VSIR: variants seen among roughly 807,000 people sequenced by gnomAD.
VSIR encodes V-set immunoregulatory receptor.
Under a neutral mutation model 31.0 loss-of-function variants are expected in VSIR, and 10 were observed. The observed-to-expected ratio is 0.32, with a 90% CI of 0.20 to 0.55. The LOEUF (loss-of-function observed/expected upper bound fraction) is 0.55. VSIR is among the 20% of genes least tolerant of loss of function. The pLI is 0.93. For synonymous variants in VSIR, 179 were observed against 180.1 expected, an observed-to-expected ratio of 0.99 and a Z score of 0.05; for missense variants, 356 against 416.2, an observed-to-expected ratio of 0.86 and a Z score of 1.26.
chr10:71,764,707 T>C (rs1840487607), intron 1 of VSIR, among the ~76,000 whole-genome samples: 1 of 152,218 alleles, frequency 6.6e-6, no homozygotes, highest in African/African-American at 2.4e-5. Context: ...CTTCACTCTC[T>C]CACCGTGGTT....
intron 5 of VSIR, 42 bp downstream of exon 5, chr10:71,752,933 C>A (rs780199822): frequency 6.2e-7 from 1 of 1,606,872 alleles, no homozygotes; most frequent in South Asian, 1.1e-5. Context: ...CCTGGATAGC[C>A]GGCCCAGGAA....
intron 3 of VSIR, among the ~76,000 whole-genome samples, chr10:71,759,846 C>CACACACACATATATATACACACACACAT (rs776230069): frequency 1.7e-5 from 1 of 59,932 alleles, no homozygotes; most frequent in Admixed American, 1.9e-4. Flanking sequence ...CACACACACA[C>CACACACACATATATATACACACACACAT]ATATACACAC....
intron 4 of VSIR, chr10:71,755,054 C>T (rs1840098120): frequency 1.9e-6 from 1 of 537,746 alleles, no homozygotes; most frequent in Non-Finnish European, 3.6e-6. Flanking sequence ...GTGGCAGCAA[C>T]TTGCTTTTAT....
rs1289688794 is a variant in VSIR at position 71,748,490 on chromosome 10, C to T, written c.*2763G>A. 6.6e-6 allele frequency: 1 copy of T among 152,304 alleles called. No homozygotes were observed. Among genetic ancestry groups the T allele is most frequent in the South Asian group, 2.1e-4 (1 of 4,844 alleles). 9.4% of individuals were successfully genotyped at this position (152,304 alleles called of 1,614,324 possible). ...CCAAATGGTGCTTTCAATTCCATTC[C>T]TTCAGCCTCTCCCTGGGAGGGAATA... On this transcript the variant is annotated 3_prime_UTR_variant, in exon 7 of 7. Transcript: ENST00000394957.
Position 71,751,883 on chromosome 10 carries a change from A to G in VSIR, c.705-22T>C. On this transcript the variant is annotated intron_variant, in intron 5 of 6. Coordinates refer to ENST00000394957, the MANE Select transcript of VSIR (RefSeq NM_022153.2). The surrounding 1 kb of genome is among the most constrained non-coding windows in gnomAD (Gnocchi z 4.9). Reference sequence around the variant, plus strand: ...GTTGCTGCCACAGAACCAGAATGGAAGGTCATCTGTGCTGTCCGGAGCGTG... The same window carrying G: ...GTTGCTGCCACAGAACCAGAATGGAGGGTCATCTGTGCTGTCCGGAGCGTG... 1.3e-6 allele frequency: 2 copies of G among 1,537,700 alleles called. No homozygotes were observed. Among genetic ancestry groups the G allele is most frequent in the African/African-American group, 2.8e-5 (2 of 72,546 alleles).
chr10:71,765,511 G>A (rs1295361369), intron 1 of VSIR, among the ~76,000 whole-genome samples: 9 of 152,316 alleles, frequency 5.9e-5, no homozygotes, highest in Admixed American at 2.0e-4. Context: ...TGTGAACAAG[G>A]TGGGGCAGGG....
chr10:71,769,088 T>G (rs1840627057), intron 1 of VSIR, among the ~76,000 whole-genome samples: 1 of 152,240 alleles, frequency 6.6e-6, no homozygotes, highest in South Asian at 2.1e-4. Context: ...CCTGGCCACG[T>G]CTACCACATA....
intron 3 of VSIR, among the ~76,000 whole-genome samples, chr10:71,759,763 G>A (rs1025541320): frequency 1.3e-5 from 2 of 150,854 alleles, no homozygotes; most frequent in Non-Finnish European, 2.9e-5. Flanking sequence ...AGTGAGCCCA[G>A]ATCGCGCCAC....
At chr10:71,768,491 T>C (rs1350183397) in intron 1 of VSIR, among the ~76,000 whole-genome samples, 1 of 151,708 alleles carries the variant, frequency 6.6e-6, no homozygotes, top group Non-Finnish European at 1.5e-5. Context: ...TTTTCTTTAG[T>C]GAGCTAGGGT....
At chr10:71,769,414 C>A (rs1281572123) in intron 1 of VSIR, among the ~76,000 whole-genome samples, 1 of 152,060 alleles carries the variant, frequency 6.6e-6, no homozygotes, top group Non-Finnish European at 1.5e-5. Flanking sequence ...TACTGGCTTT[C>A]CACTAATGAC....
rs960311153 is a variant in VSIR, at chr10:71,748,514, T to G, written c.*2739A>C. The G allele has an allele frequency of 6.6e-6, 1 of 152,288 alleles. No homozygotes were observed. Among genetic ancestry groups the G allele is most frequent in the African/African-American group, 2.4e-5 (1 of 41,458 alleles). 9.4% of individuals were successfully genotyped at this position (152,288 alleles called of 1,614,324 possible). On this transcript the variant is annotated 3_prime_UTR_variant, in exon 7 of 7. Coordinates refer to ENST00000394957, the MANE Select transcript of VSIR (RefSeq NM_022153.2). ...CCTTCAGCCTCTCCCTGGGAGGGAA[T>G]AAAGGCAGGAAGTCTCTATTAAACT...
chr10:71,748,872 G>C lies in VSIR; in HGVS notation c.*2381C>G, dbSNP rs747559975. On this transcript the variant is annotated 3_prime_UTR_variant, in exon 7 of 7. Coordinates refer to ENST00000394957, the MANE Select transcript of VSIR (RefSeq NM_022153.2). ...ACGTCCCTAGTGCGTTGTAGGCAGG[G>C]CCTGTGGCCATGGATGAAGATGGAA... The C allele has an allele frequency of 5.9e-5, 9 of 152,794 alleles. No homozygotes were observed. Among genetic ancestry groups the C allele is most frequent in the Non-Finnish European group, 7.3e-5 (5 of 68,126 alleles). 9.5% of individuals were successfully genotyped at this position (152,794 alleles called of 1,614,324 possible).
chr10:71,751,992 A>C lies in VSIR; in HGVS notation c.705-131T>G. The stretch of plus-strand genomic sequence containing the variant: ...ATCCCCAAGCCTCAGCAGCATCTCC[A>C]AGCAAGAAGGCAGGAGCCAGGCCCA... On this transcript the variant is annotated intron_variant, in intron 5 of 6. Coordinates refer to ENST00000394957, the MANE Select transcript of VSIR (RefSeq NM_022153.2). This position sits in a 1 kb window ranked among gnomAD's most constrained non-coding sequence, Gnocchi z 4.9. 3 of 1,036,612 alleles carry C rather than the reference A, an allele frequency of 2.9e-6. No homozygotes were observed. Among genetic ancestry groups the C allele is most frequent in the Non-Finnish European group, 4.3e-6 (3 of 691,938 alleles). The allele number at this position is 1,036,612 out of a possible 1,614,324, so 64.2% of individuals were successfully genotyped here.
rs1490896300 is a variant in VSIR, at chr10:71,759,948, T to C, written c.568+920A>G. The stretch of plus-strand genomic sequence containing the variant: ...ACACACACATATATACACACACACA[T>C]ATATATACACACACATATATATACA... On this transcript the variant is annotated intron_variant, in intron 3 of 6. Coordinates refer to ENST00000394957, the MANE Select transcript of VSIR (RefSeq NM_022153.2). Among the ~76,000 whole-genome samples, 24 of 63,330 alleles carry C rather than the reference T, an allele frequency of 3.8e-4. 1 individual carries two copies. The highest frequency in any genetic ancestry group is 4.8e-4 in the Non-Finnish European group (12 of 24,852). The allele number at this position is 63,330 out of a possible 152,430, so 41.5% of individuals were successfully genotyped here.
In VSIR at chr10:71,748,413, T is replaced by A. The variant is rs1165718949; in HGVS notation, c.*2840A>T. ...CACCAGCAGTCACCAGTGGCCTCCA[T>A]GGTGTGTTTTTAGGGAGTGCTGAGC... On this transcript the variant is annotated 3_prime_UTR_variant, in exon 7 of 7. Coordinates refer to ENST00000394957, the MANE Select transcript of VSIR (RefSeq NM_022153.2). The A allele has an allele frequency of 6.6e-6, 1 of 152,256 alleles. No individual in the cohort carries two copies. The highest frequency in any genetic ancestry group is 1.5e-5 in the Non-Finnish European group (1 of 68,082). The allele number at this position is 152,256 out of a possible 1,614,324, so 9.4% of individuals were successfully genotyped here.
intron 3 of VSIR, among the ~76,000 whole-genome samples, chr10:71,756,379 G>C (rs1402417943): frequency 6.6e-6 from 1 of 152,082 alleles, no homozygotes; most frequent in Non-Finnish European, 1.5e-5. Flanking sequence ...TTATCACATG[G>C]CTCCCACTAA....
Position 71,751,651 on chromosome 10 carries a change from G to T in VSIR, c.898+17C>A. On this transcript the variant is annotated intron_variant, in intron 6 of 6. Coordinates refer to ENST00000394957, the MANE Select transcript of VSIR (RefSeq NM_022153.2). This position sits in a 1 kb window ranked among gnomAD's most constrained non-coding sequence, Gnocchi z 4.9. ...ACCTTACAGGTCATCGTGCTGTGAA[G>T]GTCAGGAAACACTTACCCAGGGATG... is the stretch of plus-strand genomic sequence containing the variant. The T allele has an allele frequency of 4.6e-6, 7 of 1,519,244 alleles. No homozygotes were observed. Among genetic ancestry groups the T allele is most frequent in the Non-Finnish European group, 6.2e-6 (7 of 1,134,330 alleles). 94.1% of individuals were successfully genotyped at this position (1,519,244 alleles called of 1,614,324 possible).
Position 71,759,818 on chromosome 10 carries a change from T to TACACACACACACACACACACACAC in VSIR, c.568+1049_568+1050insGTGTGTGTGTGTGTGTGTGTGTGT, listed in dbSNP as rs1487599802. Among the ~76,000 whole-genome samples the TACACACACACACACACACACACAC allele has an allele frequency of 3.9e-5, 2 of 50,788 alleles. 1 individual carries two copies. Among genetic ancestry groups the TACACACACACACACACACACACAC allele is most frequent in the African/African-American group, 1.5e-4 (2 of 13,302 alleles). The allele number at this position is 50,788 out of a possible 152,430, so 33.3% of individuals were successfully genotyped here. On this transcript the variant is annotated intron_variant, in intron 3 of 6. Coordinates refer to ENST00000394957, the MANE Select transcript of VSIR (RefSeq NM_022153.2). ...CAGAGTGAAACCGTGTTTCAGAAAA[T>TACACACACACACACACACACACAC]ATACACACACACACACACACACACA...
At position 71,759,864 on chromosome 10, in the gene VSIR, CAT is replaced by C. The variant is rs1300561159; in HGVS notation, c.568+1002_568+1003del. On this transcript the variant is annotated intron_variant, in intron 3 of 6. Coordinates refer to ENST00000394957, the MANE Select transcript of VSIR (RefSeq NM_022153.2). The stretch of plus-strand genomic sequence containing the variant: ...ACACACACATATACACACACACACA[CAT>C]ATATATACACACACACACATATACA... Among the ~76,000 whole-genome samples, 148 of 102,070 alleles carry C rather than the reference CAT, an allele frequency of 1.4e-3. 7 individuals carry two copies. Among genetic ancestry groups the C allele is most frequent in the South Asian group, 2.2e-3 (7 of 3,130 alleles). The allele number at this position is 102,070 out of a possible 152,430, so 67.0% of individuals were successfully genotyped here.
Sources: allele counts gnomAD v4.1 joint callset (sites outside exome capture counted in the v4.1 genomes callset), GRCh38; gene constraint gnomAD v4.1.1; non-coding constraint Gnocchi (gnomAD v3.1); transcripts MANE v1.5; gene names NCBI Gene and HGNC (gene_info 2026-07-23, HGNC 2026-07-21).